Variants in CHRM3 observed in about 807,000 individuals in gnomAD.
The protein encoded by CHRM3 is muscarinic acetylcholine receptor M3.
In CHRM3, 11 loss-of-function variants were observed where a neutral mutation model predicts 41.8. That is an observed-to-expected ratio of 0.26 (90% CI 0.17 to 0.44). The LOEUF is 0.44. CHRM3 is among the 20% of genes least tolerant of loss of function. The pLI, the probability that CHRM3 is intolerant of heterozygous loss-of-function variation, is 1.00. For synonymous variants in CHRM3, 297 were observed against 301.4 expected, an observed-to-expected ratio of 0.99 and a Z score of 0.15; for missense variants, 571 against 745.4, an observed-to-expected ratio of 0.77 and a Z score of 2.72.
chr1:239,446,279 C>T (rs530030381), intron 1 of CHRM3, among the ~76,000 whole-genome samples: 9 of 152,242 alleles, frequency 5.9e-5, no homozygotes, highest in African/African-American at 1.7e-4. Flanking sequence ...ATAACAAAGA[C>T]AAACAGAGTT....
At chr1:239,842,959 T>A (rs1473187477) in intron 6 of CHRM3, among the ~76,000 whole-genome samples, 1 of 152,114 alleles carries the variant, frequency 6.6e-6, no homozygotes, top group Non-Finnish European at 1.5e-5. Context: ...ATTCTTCACA[T>A]CATAGCCTAG....
chr1:239,843,974 G>A (rs191867303), intron 6 of CHRM3, among the ~76,000 whole-genome samples: 6 of 152,064 alleles, frequency 3.9e-5, no homozygotes, highest in East Asian at 1.9e-4. Context: ...ATACACACAC[G>A]TTATATATAC....
chr1:239,701,404 C>T (rs1189925415), intron 5 of CHRM3, among the ~76,000 whole-genome samples: 1 of 152,202 alleles, frequency 6.6e-6, no homozygotes, highest in Non-Finnish European at 1.5e-5. Context: ...CCACTGGGTC[C>T]TCCATGCTTC....
intron 3 of CHRM3, among the ~76,000 whole-genome samples, chr1:239,579,369 T>A (rs1662660007): frequency 2.0e-5 from 3 of 152,238 alleles, no homozygotes; most frequent in Admixed American, 2.0e-4. Flanking sequence ...ATTAAACATA[T>A]TAATGTCAAC....
At chr1:239,646,962 G>A (rs569489902) in intron 4 of CHRM3, among the ~76,000 whole-genome samples, 1 of 152,282 alleles carries the variant, frequency 6.6e-6, no homozygotes, top group South Asian at 2.1e-4. Flanking sequence ...ACGAATGGGA[G>A]TGAGGAAAGG....
chr1:239,825,718 AT>A (rs566459945), intron 5 of CHRM3, among the ~76,000 whole-genome samples: 1 of 151,550 alleles, frequency 6.6e-6, no homozygotes, highest in Non-Finnish European at 1.5e-5. Flanking sequence ...AATTCTTTTT[AT>A]TTTTTTTTAT....
At chr1:239,843,231 T>C (rs180717074) in intron 6 of CHRM3, among the ~76,000 whole-genome samples, 1 of 152,286 alleles carries the variant, frequency 6.6e-6, no homozygotes, top group Non-Finnish European at 1.5e-5. Flanking sequence ...CTCACCTTCA[T>C]TTACCAAACA....
chr1:239,526,987 G>A (rs80257653), intron 2 of CHRM3, among the ~76,000 whole-genome samples: 3,234 of 152,204 alleles, frequency 0.021, 106 homozygotes, highest in African/African-American at 0.073. Context: ...GCCAGGCATA[G>A]TGGTGCATGC....
At chr1:239,885,958 C>A (rs532741889) in intron 6 of CHRM3, 2 of 152,168 alleles carry the variant, frequency 1.3e-5, no homozygotes, top group African/African-American at 4.8e-5. Flanking sequence ...AATGAAAATA[C>A]GCTGGGAGCT....
intron 5 of CHRM3, among the ~76,000 whole-genome samples, chr1:239,701,445 CA>C (rs1352778626): frequency 6.6e-6 from 1 of 152,150 alleles, no homozygotes; most frequent in Admixed American, 6.5e-5. Flanking sequence ...CCTCATTCAC[CA>C]AGAATTGTCA....
intron 3 of CHRM3, among the ~76,000 whole-genome samples, chr1:239,598,080 C>G (rs1665017527): frequency 6.6e-6 from 1 of 152,038 alleles, no homozygotes; most frequent in Non-Finnish European, 1.5e-5. Context: ...GCCAGGGGTC[C>G]TGAAGGCCAG....
chr1:239,600,075 C>CA (rs1665325202), intron 3 of CHRM3, among the ~76,000 whole-genome samples: 1 of 152,086 alleles, frequency 6.6e-6, no homozygotes, highest in African/African-American at 2.4e-5. Flanking sequence ...TCACCAAAAC[C>CA]AAAAATCTCA....
chr1:239,895,016 C>T (rs1051994590), intron 6 of CHRM3, among the ~76,000 whole-genome samples: 7 of 152,192 alleles, frequency 4.6e-5, no homozygotes, highest in African/African-American at 1.4e-4. Flanking sequence ...CAGCAAAGAA[C>T]AATTACAAAA....
intron 1 of CHRM3, among the ~76,000 whole-genome samples, chr1:239,457,653 G>A (rs1270090669): frequency 6.6e-6 from 1 of 152,062 alleles, no homozygotes; most frequent in Non-Finnish European, 1.5e-5. Flanking sequence ...AAACGTTGAG[G>A]GCTTTTGAGT....
intron 4 of CHRM3, among the ~76,000 whole-genome samples, chr1:239,655,977 A>G (rs1448556020): frequency 6.6e-6 from 1 of 152,252 alleles, no homozygotes; most frequent in Non-Finnish European, 1.5e-5. Flanking sequence ...CAATGCAGCC[A>G]CAAAAAAGGA....
At chr1:239,814,594 T>G (rs940904589) in intron 5 of CHRM3, among the ~76,000 whole-genome samples, 1 of 152,104 alleles carries the variant, frequency 6.6e-6, no homozygotes, top group Non-Finnish European at 1.5e-5. Context: ...TAATGCTGAT[T>G]AAGTCTTCCC....
At chr1:239,498,070 A>G (rs1572506986) in intron 2 of CHRM3, among the ~76,000 whole-genome samples, 1 of 152,296 alleles carries the variant, frequency 6.6e-6, no homozygotes, top group South Asian at 2.1e-4. Context: ...TATCAGCCCT[A>G]GAGCTGCAAA....
intron 3 of CHRM3, among the ~76,000 whole-genome samples, chr1:239,574,945 A>G (rs1220876401): frequency 6.6e-6 from 1 of 152,168 alleles, no homozygotes; most frequent in African/African-American, 2.4e-5. Context: ...AATGGAGGTA[A>G]CAATCTTAAT....
In CHRM3 at chr1:239,638,758, G is replaced by C. The variant is rs368380419; in HGVS notation, c.-250+6472G>C. Among the ~76,000 whole-genome samples the C allele has an allele frequency of 7.9e-4, 120 of 151,724 alleles. 1 individual carries two copies. The highest frequency in any genetic ancestry group is 1.4e-3 in the Non-Finnish European group (96 of 67,880). ...AGTTTCTTTTGCTGTGCAGAAGCTC[G>C]TTAGTTTAATTAGATCCCATTTGTC... On this transcript the variant is annotated intron_variant, in intron 4 of 6. Transcript: ENST00000676153.
Sources: gnomAD v4.1 joint callset for allele counts (sites outside exome capture counted in the v4.1 genomes callset) on GRCh38, gnomAD v4.1.1 for gene constraint, MANE v1.5 for transcripts, NCBI Gene and HGNC (gene_info 2026-07-23, HGNC 2026-07-21) for gene names.